Variants in GRB10 observed in about 807,000 individuals in gnomAD.
GRB10 encodes the protein growth factor receptor-bound protein 10.
In GRB10, 20 loss-of-function variants were observed where a neutral mutation model predicts 80.9. The ratio of observed to expected loss-of-function variants is 0.25; its 90% CI spans 0.17 to 0.36. The LOEUF is 0.36. Ranked by LOEUF, GRB10 falls within the 10% of genes least tolerant of loss-of-function variation. GRB10 has a pLI of 1.00. For missense variants in GRB10, 548 were observed against 747.7 expected (o/e 0.73, Z 3.12); for synonymous variants, 291 against 291.5 (o/e 1.00, Z 0.02).
At chr7:50,678,668 A>T (rs1377116202) in intron 5 of GRB10, among the ~76,000 whole-genome samples, 2 of 149,902 alleles carry the variant, frequency 1.3e-5, no homozygotes, top group Non-Finnish European at 3.0e-5. Context: ...ATTCTACACC[A>T]TTTTTTTTTT....
At chr7:50,684,921 G>A (rs1036559690) in intron 5 of GRB10, among the ~76,000 whole-genome samples, 3 of 152,118 alleles carry the variant, frequency 2.0e-5, no homozygotes, top group Non-Finnish European at 2.9e-5. Context: ...CATTCTGGAA[G>A]GTTCTCATTT....
chr7:50,653,393 T>C (rs947263164), intron 7 of GRB10, among the ~76,000 whole-genome samples: 2 of 152,164 alleles, frequency 1.3e-5, no homozygotes, highest in Non-Finnish European at 2.9e-5. Context: ...CCAGACGCTA[T>C]TGCACTAAAA....
chr7:50,616,060 AGCT>A (rs2050578956), intron 11 of GRB10, 147 bp downstream of exon 11: 2 of 870,180 alleles, frequency 2.3e-6, no homozygotes, highest in Non-Finnish European at 3.6e-6. Context: ...CTCCAAGTTC[AGCT>A]GCTGCACAAT....
At chr7:50,717,355 C>T (rs559924915) in intron 4 of GRB10, among the ~76,000 whole-genome samples, 117 of 152,328 alleles carry the variant, frequency 7.7e-4, no homozygotes, top group African/African-American at 2.7e-3. Context: ...GAGTCAGGGG[C>T]AACTGGGCTC....
At chr7:50,764,604 A>C (rs2153706553) in intron 2 of GRB10, among the ~76,000 whole-genome samples, 1 of 152,302 alleles carries the variant, frequency 6.6e-6, no homozygotes, top group African/African-American at 2.4e-5. Flanking sequence ...CAGCTGTGAA[A>C]GTGGCTCAGA....
At chr7:50,712,839 T>C (rs146885094) in intron 4 of GRB10, among the ~76,000 whole-genome samples, 1 of 152,366 alleles carries the variant, frequency 6.6e-6, no homozygotes, top group Non-Finnish European at 1.5e-5. Context: ...AGATATAAAT[T>C]ACATAACATA....
At chr7:50,754,982 C>T (rs577610493) in intron 3 of GRB10, among the ~76,000 whole-genome samples, 21 of 152,292 alleles carry the variant, frequency 1.4e-4, no homozygotes, top group East Asian at 3.9e-4. Context: ...GTGAGGACAC[C>T]GCGAGAAAAC....
At chr7:50,600,386 A>C (rs1299429346) in intron 17 of GRB10, among the ~76,000 whole-genome samples, 1 of 152,214 alleles carries the variant, frequency 6.6e-6, no homozygotes, top group African/African-American at 2.4e-5. Flanking sequence ...ATCTTGAGTA[A>C]GGAGTTTTGG....
At chr7:50,653,965 C>A (rs2058328223) in intron 7 of GRB10, among the ~76,000 whole-genome samples, 1 of 152,230 alleles carries the variant, frequency 6.6e-6, no homozygotes, top group South Asian at 2.1e-4. Context: ...GTGCTTGAGA[C>A]CATGAGGTCT....
intron 7 of GRB10, among the ~76,000 whole-genome samples, chr7:50,669,376 G>A (rs2060129586): frequency 2.6e-5 from 4 of 152,170 alleles, no homozygotes; most frequent in Admixed American, 2.6e-4. Context: ...GTGGGAGCAA[G>A]GGGAGGAGAT....
At chr7:50,793,221 T>C (rs1366872073) in intron 1 of GRB10, 1 of 143,096 alleles carries the variant, frequency 7.0e-6, no homozygotes, top group Non-Finnish European at 1.5e-5. Flanking sequence ...CCCAACTCCG[T>C]ACCTGCCGCG....
At chr7:50,652,070 A>T (rs962617234) in intron 7 of GRB10, among the ~76,000 whole-genome samples, 1 of 152,234 alleles carries the variant, frequency 6.6e-6, no homozygotes, top group Non-Finnish European at 1.5e-5. Context: ...AATTGTAGGT[A>T]GAATTTTGGA....
At chr7:50,757,960 CTG>C (rs1215961337) in intron 2 of GRB10, among the ~76,000 whole-genome samples, 1 of 152,132 alleles carries the variant, frequency 6.6e-6, no homozygotes. Context: ...AAATACATCA[CTG>C]AGGTAAAGTG....
chr7:50,633,943 A>T (rs2054479545), intron 7 of GRB10, among the ~76,000 whole-genome samples: 1 of 152,192 alleles, frequency 6.6e-6, no homozygotes, highest in Admixed American at 6.5e-5. Context: ...GAGAAGAAAA[A>T]AAATAAGTTT....
intron 8 of GRB10, 108 bp from the exon 9 acceptor site, chr7:50,619,393 T>C (rs1563178928): frequency 2.6e-6 from 2 of 757,274 alleles, no homozygotes; most frequent in South Asian, 2.8e-5. Context: ...TTAAACATTA[T>C]GAATAAAGAT....
At chr7:50,683,260 G>C (rs1253321432) in intron 5 of GRB10, among the ~76,000 whole-genome samples, 1 of 152,230 alleles carries the variant, frequency 6.6e-6, no homozygotes, top group Non-Finnish European at 1.5e-5. Flanking sequence ...CCCTGGAGTA[G>C]TCAAATTCCT....
intron 6 of GRB10, among the ~76,000 whole-genome samples, chr7:50,672,988 GA>G (rs1242062925): frequency 6.6e-6 from 1 of 152,202 alleles, no homozygotes; most frequent in African/African-American, 2.4e-5. Context: ...GGAAGCTGGG[GA>G]GGCAGCTGAC....
chr7:50,711,699 G>A (rs984835396), intron 4 of GRB10, among the ~76,000 whole-genome samples: 1 of 152,032 alleles, frequency 6.6e-6, no homozygotes, highest in Non-Finnish European at 1.5e-5. Flanking sequence ...CTAGAACTCT[G>A]AACACACACA....
intron 7 of GRB10, among the ~76,000 whole-genome samples, chr7:50,646,472 A>C (rs1473768153): frequency 1.3e-5 from 2 of 152,232 alleles, no homozygotes; most frequent in Admixed American, 1.3e-4. Context: ...CGTTTACCAA[A>C]TACCTTTTTG....
Sources: allele counts gnomAD v4.1 joint callset (sites outside exome capture counted in the v4.1 genomes callset), GRCh38; gene constraint gnomAD v4.1.1; transcripts MANE v1.5; gene names NCBI Gene and HGNC (gene_info 2026-07-23, HGNC 2026-07-21).